Variants in DUSP22 observed in about 807,000 individuals in gnomAD.
DUSP22 encodes dual specificity protein phosphatase 22.
Under a neutral mutation model 24.5 loss-of-function variants are expected in DUSP22, and 24 were observed. That is an observed-to-expected ratio of 0.98 (90% confidence interval 0.71 to 1.38). DUSP22 has a LOEUF of 1.38. DUSP22 is among the 40% of genes most tolerant of loss of function. The pLI is 0.00. For missense variants in DUSP22, 330 were observed against 269.2 expected (o/e 1.23, Z -1.58); for synonymous variants, 160 against 106.4 (o/e 1.50, Z -3.10).
chr6:321,249 C>G (rs1742382869), intron 3 of DUSP22, among the ~76,000 whole-genome samples: 2 of 152,304 alleles, frequency 1.3e-5, no homozygotes, highest in Admixed American at 1.3e-4. Context: ...ACTTTGGGAG[C>G]TCACCAGGGT....
intron 5 of DUSP22, among the ~76,000 whole-genome samples, chr6:346,694 AAG>A (rs1759895293): frequency 6.6e-6 from 1 of 152,286 alleles, no homozygotes. Flanking sequence ...GTCTTGAATG[AAG>A]TGTGTTATTA....
chr6:326,939 T>C (rs1758908418), intron 3 of DUSP22, among the ~76,000 whole-genome samples: 1 of 152,308 alleles, frequency 6.6e-6, no homozygotes, highest in East Asian at 1.9e-4. Flanking sequence ...CTTTGTGCAA[T>C]GGGACTGTCT....
At chr6:304,800 G>A in intron 2 of DUSP22, 139 bp downstream of exon 2, 3 of 1,272,252 alleles carry the variant, frequency 2.4e-6, no homozygotes, top group Non-Finnish European at 3.4e-6. Flanking sequence ...CCTTCTGCAG[G>A]ACTTTTCATG....
intron 4 of DUSP22, among the ~76,000 whole-genome samples, chr6:335,549 G>A (rs993417048): frequency 6.6e-6 from 1 of 152,308 alleles, no homozygotes; most frequent in Non-Finnish European, 1.5e-5. Flanking sequence ...CAAATGGGCA[G>A]TTTTAAATTT....
chr6:294,053 A>G (rs1395862138), intron 1 of DUSP22, among the ~76,000 whole-genome samples: 2 of 152,266 alleles, frequency 1.3e-5, no homozygotes, highest in Non-Finnish European at 2.9e-5. Context: ...TTCACTCTCC[A>G]CCGTTTTCAG....
intron 3 of DUSP22, among the ~76,000 whole-genome samples, chr6:316,575 A>G (rs1259261878): frequency 1.3e-5 from 2 of 152,306 alleles, no homozygotes; most frequent in Admixed American, 6.5e-5. Flanking sequence ...TCAAATCAGA[A>G]ACCTGATATT....
rs932586838 is a variant in DUSP22, at chr6:305,162, A to G, written c.55+501A>G. Among the ~76,000 whole-genome samples, 4 of 152,420 alleles carry G rather than the reference A, an allele frequency of 2.6e-5. No individual in the cohort carries two copies. In the South Asian group the frequency reaches 6.2e-4, roughly 24 times the overall value. ...TTAAAAGATCAGCTTTAGACTTCTC[A>G]TGGGTGAGATTGACAGGCAAAGTGT... is the stretch of plus-strand genomic sequence containing the variant. On this transcript the variant is annotated intron_variant, in intron 2 of 6. Transcript: ENST00000419235.
intron 3 of DUSP22, among the ~76,000 whole-genome samples, chr6:334,600 C>T (rs555042071): frequency 6.6e-6 from 1 of 152,286 alleles, no homozygotes; most frequent in Non-Finnish European, 1.5e-5. Flanking sequence ...AACAAATTAT[C>T]CCCAGGGTAA....
chr6:305,508 G>T (rs1214897189), intron 2 of DUSP22, among the ~76,000 whole-genome samples: 1 of 152,306 alleles, frequency 6.6e-6, no homozygotes, highest in Non-Finnish European at 1.5e-5. Flanking sequence ...TTTCATCTCT[G>T]GCAGATTCTT....
intron 2 of DUSP22, among the ~76,000 whole-genome samples, chr6:311,378 A>G (rs1056543203): frequency 3.3e-5 from 5 of 152,420 alleles, no homozygotes; most frequent in South Asian, 4.1e-4. Flanking sequence ...AGATGAGACA[A>G]TCAGAAATAA....
At chr6:303,783 T>C (rs1757691303) in intron 1 of DUSP22, among the ~76,000 whole-genome samples, 1 of 152,304 alleles carries the variant, frequency 6.6e-6, no homozygotes, top group Non-Finnish European at 1.5e-5. Context: ...CTTCGCAAAT[T>C]GTGGGTGTGA....
chr6:293,120 G>A (rs1757171257), intron 1 of DUSP22, among the ~76,000 whole-genome samples: 1 of 152,302 alleles, frequency 6.6e-6, no homozygotes, highest in African/African-American at 2.4e-5. Flanking sequence ...GAGTTGATTA[G>A]GTTATGTGAC....
intron 3 of DUSP22, among the ~76,000 whole-genome samples, chr6:327,052 C>A (rs1313621818): frequency 6.6e-6 from 1 of 152,298 alleles, no homozygotes; most frequent in Non-Finnish European, 1.5e-5. Context: ...AGGTGAGGGG[C>A]CACAGACAAT....
chr6:293,996 G>T (rs1001870043), intron 1 of DUSP22, among the ~76,000 whole-genome samples: 136 of 152,346 alleles, frequency 8.9e-4, no homozygotes, highest in African/African-American at 3.2e-3. Context: ...ATTGGTGGTG[G>T]TATCTCAGCT....
chr6:292,688 G>C (rs1355923561), intron 1 of DUSP22, 128 bp downstream of exon 1: 16 of 1,329,316 alleles, frequency 1.2e-5, no homozygotes, highest in Admixed American at 3.7e-5. Flanking sequence ...CGCGGAGGGA[G>C]GGGCGGCGCG....
chr6:327,793 C>T (rs531202837), intron 3 of DUSP22, among the ~76,000 whole-genome samples: 8 of 152,408 alleles, frequency 5.2e-5, no homozygotes, highest in African/African-American at 1.4e-4. Flanking sequence ...AGAGAGAAAA[C>T]CACAGGGACT....
intron 2 of DUSP22, among the ~76,000 whole-genome samples, chr6:310,569 A>C (rs989543562): frequency 1.4e-4 from 21 of 152,300 alleles, no homozygotes; most frequent in African/African-American, 4.6e-4. Context: ...TGTGCTTTAA[A>C]GTGAATATAG....
At chr6:317,844 A>G (rs1341618235) in intron 3 of DUSP22, among the ~76,000 whole-genome samples, 1 of 152,292 alleles carries the variant, frequency 6.6e-6, no homozygotes, top group East Asian at 1.9e-4. Context: ...CCCCGTTCCA[A>G]AGTGAGAAAT....
chr6:344,800 C>A (rs1759777443), intron 4 of DUSP22, among the ~76,000 whole-genome samples: 1 of 152,298 alleles, frequency 6.6e-6, no homozygotes, highest in Admixed American at 6.5e-5. Context: ...TCCCGGGAGA[C>A]CAGTTTGAGA....
Sources: gnomAD v4.1 joint callset for allele counts (sites outside exome capture counted in the v4.1 genomes callset) on GRCh38, gnomAD v4.1.1 for gene constraint, MANE v1.5 for transcripts, NCBI Gene and HGNC (gene_info 2026-07-23, HGNC 2026-07-21) for gene names.